PPP2R5E: variants seen among roughly 807,000 people sequenced by gnomAD.
PPP2R5E encodes serine/threonine-protein phosphatase 2A 56 kDa regulatory subunit epsilon isoform.
Under a neutral mutation model 65.3 loss-of-function variants are expected in PPP2R5E, and 4 were observed. The observed-to-expected ratio is 0.06, with a 90% confidence interval of 0.03 to 0.14. PPP2R5E has a LOEUF of 0.14. PPP2R5E is among the 10% of genes least tolerant of loss of function. The pLI is 1.00. For synonymous variants in PPP2R5E, 183 were observed against 187.4 expected (o/e 0.98, Z 0.19); for missense variants, 274 against 556.1 (o/e 0.49, Z 5.10).
chr14:63,391,254 G>A (rs544945306), intron 10 of PPP2R5E, among the ~76,000 whole-genome samples: 14 of 152,276 alleles, frequency 9.2e-5, no homozygotes, highest in African/African-American at 3.4e-4. Flanking sequence ...TCAAGGAGGC[G>A]AGTTCTGGCC....
intron 13 of PPP2R5E, among the ~76,000 whole-genome samples, chr14:63,376,555 A>G (rs569133541): frequency 4.6e-5 from 7 of 152,302 alleles, no homozygotes; most frequent in Admixed American, 3.3e-4. Flanking sequence ...TTAAATTTTA[A>G]TGCATCAAGC....
At chr14:63,522,153 C>T (rs1013247459) in intron 2 of PPP2R5E, among the ~76,000 whole-genome samples, 1 of 152,102 alleles carries the variant, frequency 6.6e-6, no homozygotes, top group South Asian at 2.1e-4. Context: ...GCTGTGTTGG[C>T]CGGGCTGGTC....
In PPP2R5E at chr14:63,464,976, T is replaced by C. The variant is rs541228670; in HGVS notation, c.158-11091A>G. On this transcript the variant is annotated intron_variant, in intron 2 of 13. Transcript: ENST00000337537. ...AGGCAGAGGTTGCAACGAGCCGAAA[T>C]TGTGCCACTGCACTCCAGCCTGGGT... is the stretch of plus-strand genomic sequence containing the variant. Among the ~76,000 whole-genome samples the C allele has an allele frequency of 2.1e-4, 32 of 151,170 alleles. No homozygotes were observed. The East Asian group carries it at 4.5e-3, about 21-fold the overall frequency.
chr14:63,512,082 A>ATT (rs1389439848), intron 2 of PPP2R5E, among the ~76,000 whole-genome samples: 1 of 123,492 alleles, frequency 8.1e-6, no homozygotes, highest in East Asian at 2.3e-4. Flanking sequence ...CTGCGGTAAA[A>ATT]AAAAAAAAAA....
intron 8 of PPP2R5E, among the ~76,000 whole-genome samples, 173 bp downstream of exon 8, chr14:63,393,647 G>A (rs555205613): frequency 6.6e-6 from 1 of 152,222 alleles, no homozygotes; most frequent in Admixed American, 6.5e-5. Flanking sequence ...GGGAGGTGGA[G>A]GCTGCAGTGA....
chr14:63,522,116 G>C (rs8008959), intron 2 of PPP2R5E, among the ~76,000 whole-genome samples: 4 of 150,992 alleles, frequency 2.6e-5, no homozygotes, highest in Non-Finnish European at 4.4e-5. Context: ...ACTGGTTTTC[G>C]TATTTTTTTG....
chr14:63,444,359 A>G (rs975240061), intron 3 of PPP2R5E, among the ~76,000 whole-genome samples: 8 of 151,654 alleles, frequency 5.3e-5, no homozygotes, highest in African/African-American at 1.5e-4. Flanking sequence ...ACGTCCCTTT[A>G]CTCCTTCCTT....
At chr14:63,376,208 G>A in intron 13 of PPP2R5E, 100 bp from the exon 14 acceptor site, 1 of 747,426 alleles carries the variant, frequency 1.3e-6, no homozygotes, top group Non-Finnish European at 2.1e-6. Context: ...TTTATACTTA[G>A]CTTAATTGAG....
At chr14:63,403,644 A>T (rs1423712180) in intron 5 of PPP2R5E, among the ~76,000 whole-genome samples, 1 of 151,980 alleles carries the variant, frequency 6.6e-6, no homozygotes, top group Non-Finnish European at 1.5e-5. Flanking sequence ...CAAGAAAAAA[A>T]AAAAAAAAGT....
chr14:63,397,827 A>G (rs1237139768), intron 5 of PPP2R5E, among the ~76,000 whole-genome samples: 1 of 151,420 alleles, frequency 6.6e-6, no homozygotes, highest in Non-Finnish European at 1.5e-5. Flanking sequence ...GTGTTCAAGC[A>G]AGCAATTCTC....
intron 3 of PPP2R5E, among the ~76,000 whole-genome samples, chr14:63,445,162 C>T (rs1278902945): frequency 1.3e-5 from 2 of 152,140 alleles, no homozygotes; most frequent in South Asian, 2.1e-4. Flanking sequence ...ACAGTGGCTT[C>T]CATGTTCTCT....
chr14:63,405,887 A>G (rs1886048630), intron 5 of PPP2R5E, among the ~76,000 whole-genome samples: 1 of 152,230 alleles, frequency 6.6e-6, no homozygotes, highest in African/African-American at 2.4e-5. Context: ...GTCTGAAATC[A>G]ACATTACCAC....
At chr14:63,517,899 A>G (rs958758915) in intron 2 of PPP2R5E, among the ~76,000 whole-genome samples, 1 of 152,136 alleles carries the variant, frequency 6.6e-6, no homozygotes, top group African/African-American at 2.4e-5. Flanking sequence ...TCTAGATCTA[A>G]TCTTCTAAAC....
intron 3 of PPP2R5E, 67 bp from the exon 4 acceptor site, chr14:63,422,161 G>C: frequency 7.9e-7 from 1 of 1,271,774 alleles, no homozygotes. Context: ...AAGGTCCTTG[G>C]AGCCAAGCTG....
At chr14:63,523,391 G>A (rs1345974502) in intron 2 of PPP2R5E, among the ~76,000 whole-genome samples, 2 of 152,114 alleles carry the variant, frequency 1.3e-5, no homozygotes, top group South Asian at 2.1e-4. Flanking sequence ...TTGGGATCCT[G>A]TTGATCTGTG....
intron 3 of PPP2R5E, among the ~76,000 whole-genome samples, chr14:63,423,743 AATT>A (rs1237182723): frequency 3.9e-5 from 6 of 152,330 alleles, no homozygotes; most frequent in Middle Eastern, 3.4e-3. Flanking sequence ...TCCAGTAAAT[AATT>A]ATTAAGTGCC....
intron 3 of PPP2R5E, chr14:63,451,597 G>A (rs1272204870): frequency 2.0e-5 from 3 of 152,284 alleles, no homozygotes; most frequent in Non-Finnish European, 4.4e-5. Flanking sequence ...AGGATTTTCA[G>A]GGCAGTGATG....
At chr14:63,434,976 G>A (rs1241197125) in intron 3 of PPP2R5E, among the ~76,000 whole-genome samples, 1 of 152,082 alleles carries the variant, frequency 6.6e-6, no homozygotes, top group African/African-American at 2.4e-5. Context: ...TGGAGTGTTA[G>A]GAACCATCAG....
chr14:63,514,687 G>A (rs953492999), intron 2 of PPP2R5E, among the ~76,000 whole-genome samples: 5 of 152,096 alleles, frequency 3.3e-5, no homozygotes, highest in African/African-American at 1.2e-4. Flanking sequence ...AGATGAGAGG[G>A]GGCACTATCC....
Sources: allele counts gnomAD v4.1 joint callset (sites outside exome capture counted in the v4.1 genomes callset), GRCh38; gene constraint gnomAD v4.1.1; transcripts MANE v1.5; gene names NCBI Gene and HGNC (gene_info 2026-07-23, HGNC 2026-07-21).